MRTFA: variants seen among roughly 807,000 people sequenced by gnomAD.
MRTFA encodes myocardin related transcription factor A.
Under a neutral mutation model 83.5 loss-of-function variants are expected in MRTFA, and 20 were observed. The observed-to-expected ratio is 0.24, with a 90% confidence interval of 0.17 to 0.35. MRTFA has a LOEUF of 0.35. Among genes scored for constraint, MRTFA ranks in the 10% least tolerant of loss-of-function variants. The pLI is 1.00. For missense variants in MRTFA, 1,200 were observed against 1,224.7 expected (o/e 0.98, Z 0.30); for synonymous variants, 659 against 541.2 (o/e 1.22, Z -3.02).
At chr22:40,555,861 G>A (rs1201920502) in intron 2 of MRTFA, among the ~76,000 whole-genome samples, 5 of 151,666 alleles carry the variant, frequency 3.3e-5, no homozygotes, top group East Asian at 3.9e-4. Flanking sequence ...GGATGGTCTC[G>A]ATCTCCTGAC....
rs531993301 is a variant in MRTFA at position 40,591,127 on chromosome 22, C to A, written c.-22+3547G>T. On this transcript the variant is annotated intron_variant, in intron 2 of 14. Transcript: ENST00000355630. ...TCCAGCCTGGCGACAGAGCGAGACT[C>A]CGTCTCAAAATAAATAAATAAATAA... 2.0e-5 allele frequency among the ~76,000 whole-genome samples: 3 copies of A among 152,120 alleles called. No individual in the cohort carries two copies. In the East Asian group the frequency reaches 5.8e-4, roughly 29 times the overall value.
rs368398990 is a variant in MRTFA at position 40,411,917 on chromosome 22, A to G, written c.2579-10T>C. 5 of 1,480,912 alleles carry G rather than the reference A, an allele frequency of 3.4e-6. No individual in the cohort carries two copies. Among genetic ancestry groups the G allele is most frequent in the Middle Eastern group, 1.9e-4 (1 of 5,398 alleles). 91.7% of individuals were successfully genotyped at this position (1,480,912 alleles called of 1,614,324 possible). A position where few individuals can be genotyped will look rare whatever the true frequency, so the allele number is the denominator to read the frequency against. ...AAATCTGCTGAAATTTCTGCCAATCAATCAAGAGAGTAAATGGATATCAGA... is the reference window on the plus strand; with the variant it reads ...AAATCTGCTGAAATTTCTGCCAATCGATCAAGAGAGTAAATGGATATCAGA... On this transcript the variant is annotated splice_polypyrimidine_tract_variant and intron_variant, in intron 14 of 14. Transcript: ENST00000355630.
At chr22:40,527,615 C>T (rs1007279417) in intron 3 of MRTFA, among the ~76,000 whole-genome samples, 4 of 151,522 alleles carry the variant, frequency 2.6e-5, no homozygotes, top group Non-Finnish European at 2.9e-5. Context: ...AAAAATTAGC[C>T]GGGCATGGTG....
intron 3 of MRTFA, among the ~76,000 whole-genome samples, chr22:40,480,809 C>T (rs190124777): frequency 0.019 from 2,557 of 134,326 alleles, 28 homozygotes; most frequent in Non-Finnish European, 0.028. Context: ...AGTGCAGTGG[C>T]GCGATCTCCG....
At chr22:40,629,848 C>G (rs2056623080) in intron 1 of MRTFA, among the ~76,000 whole-genome samples, 1 of 149,306 alleles carries the variant, frequency 6.7e-6, no homozygotes. Context: ...ACTCAGGAGG[C>G]AGAGGCAGAA....
chr22:40,570,365 G>A (rs543826180), intron 2 of MRTFA, among the ~76,000 whole-genome samples: 2 of 151,930 alleles, frequency 1.3e-5, no homozygotes, highest in African/African-American at 4.8e-5. Flanking sequence ...CACGAGGTCA[G>A]GAGATCGAGA....
chr22:40,450,798 G>A (rs1325595142), intron 4 of MRTFA, among the ~76,000 whole-genome samples: 3 of 152,080 alleles, frequency 2.0e-5, no homozygotes, highest in South Asian at 2.1e-4. Flanking sequence ...AAATTTTGGC[G>A]AAAGCATAGC....
intron 3 of MRTFA, among the ~76,000 whole-genome samples, chr22:40,540,547 T>C (rs1005696879): frequency 1.1e-4 from 16 of 152,058 alleles, no homozygotes. Flanking sequence ...TCCAGCACTT[T>C]GAGAGGCTGA....
chr22:40,513,258 A>C (rs966504203), intron 3 of MRTFA, among the ~76,000 whole-genome samples: 130 of 152,236 alleles, frequency 8.5e-4, no homozygotes, highest in African/African-American at 3.0e-3. Flanking sequence ...AACGGACAAG[A>C]AGCAGAAATA....
At chr22:40,544,751 T>C (rs2055337476) in intron 3 of MRTFA, among the ~76,000 whole-genome samples, 1 of 152,000 alleles carries the variant, frequency 6.6e-6, no homozygotes. Context: ...CAGCATGGGC[T>C]ACATAGCAAG....
chr22:40,625,008 T>C (rs1369739517), intron 1 of MRTFA, among the ~76,000 whole-genome samples: 1 of 152,174 alleles, frequency 6.6e-6, no homozygotes, highest in African/African-American at 2.4e-5. Context: ...AAATGAACCA[T>C]AACATCCTAT....
In MRTFA at chr22:40,599,962, G is replaced by A. The variant is rs1430874721; in HGVS notation, c.-83-5227C>T. ...AAAATGGAATGAAGAGGGGAAAAAGGAAAAGGAAGAAAGACAAAAGAAAAT... is the reference window on the plus strand; with the variant it reads ...AAAATGGAATGAAGAGGGGAAAAAGAAAAAGGAAGAAAGACAAAAGAAAAT... On this transcript the variant is annotated intron_variant, in intron 1 of 14. Coordinates refer to ENST00000355630, the MANE Select transcript of MRTFA (RefSeq NM_020831.6). Among the ~76,000 whole-genome samples the A allele has an allele frequency of 2.9e-5, 4 of 139,522 alleles. No homozygotes were observed. The South Asian group carries it at 9.0e-4, about 31-fold the overall frequency. 91.5% of individuals were successfully genotyped at this position (139,522 alleles called of 152,430 possible). A position where few individuals can be genotyped will look rare whatever the true frequency, so the allele number is the denominator to read the frequency against.
intron 2 of MRTFA, chr22:40,587,127 TG>T: frequency 2.2e-6 from 1 of 456,686 alleles, no homozygotes. Flanking sequence ...TTTGGATGTC[TG>T]GGCTTTTCAA....
chr22:40,457,554 G>A (rs538394382), intron 4 of MRTFA, among the ~76,000 whole-genome samples: 7 of 151,988 alleles, frequency 4.6e-5, no homozygotes, highest in South Asian at 4.1e-4. Flanking sequence ...GAGAGAGACC[G>A]TAGTAATCAA....
chr22:40,592,905 G>C (rs2056141991), intron 2 of MRTFA, among the ~76,000 whole-genome samples: 1 of 152,124 alleles, frequency 6.6e-6, no homozygotes, highest in Non-Finnish European at 1.5e-5. Flanking sequence ...CATTGGCTCA[G>C]GGACTTTTGC....
At chr22:40,565,826 C>T (rs764229792) in intron 2 of MRTFA, among the ~76,000 whole-genome samples, 21 of 152,214 alleles carry the variant, frequency 1.4e-4, no homozygotes, top group Admixed American at 1.2e-3. Context: ...AAGTGATATC[C>T]GAAAGAGACT....
intron 2 of MRTFA, among the ~76,000 whole-genome samples, chr22:40,582,694 A>C (rs887290488): frequency 1.9e-4 from 29 of 150,634 alleles, no homozygotes; most frequent in Admixed American, 4.6e-4. Context: ...ACACACACAC[A>C]CCCTTCTCTA....
chr22:40,423,780 T>C (rs548545034), intron 8 of MRTFA, 95 bp from the exon 9 acceptor site: 82 of 1,180,222 alleles, frequency 6.9e-5, no homozygotes, highest in Non-Finnish European at 8.6e-5. Flanking sequence ...GACGCCACCA[T>C]TGTCAGAGGG....
At chr22:40,550,961 C>T (rs2055436166) in intron 3 of MRTFA, among the ~76,000 whole-genome samples, 1 of 151,252 alleles carries the variant, frequency 6.6e-6, no homozygotes, top group Non-Finnish European at 1.5e-5. Context: ...AAGCAGTTCT[C>T]CTGCCTCAGC....
Sources: allele counts gnomAD v4.1 joint callset (sites outside exome capture counted in the v4.1 genomes callset), GRCh38; gene constraint gnomAD v4.1.1; transcripts MANE v1.5; gene names NCBI Gene and HGNC (gene_info 2026-07-23, HGNC 2026-07-21).